Variants in REXO5 observed in about 807,000 individuals in gnomAD.
REXO5 encodes the protein RNA exonuclease 5, also known as exonuclease NEF-sp.
A neutral mutation model predicts 88.5 loss-of-function variants in REXO5; 48 were observed. The ratio of observed to expected loss-of-function variants is 0.54; its 90% CI spans 0.43 to 0.69. The LOEUF is 0.69. Ranked by LOEUF, REXO5 falls within the 30% of genes least tolerant of loss-of-function variation. The probability of loss-of-function intolerance (pLI) is 0.00; values close to 1 mark genes in which losing one functional copy is unlikely to be tolerated. For synonymous variants in REXO5, 311 were observed against 336.5 expected, an observed-to-expected ratio of 0.92 and a Z score of 0.83; for missense variants, 749 against 912.2, an observed-to-expected ratio of 0.82 and a Z score of 2.30.
intron 11 of REXO5, among the ~76,000 whole-genome samples, chr16:20,831,573 A>G (rs1163457681): frequency 6.6e-6 from 1 of 152,148 alleles, no homozygotes; most frequent in East Asian, 1.9e-4. Context: ...ATTTTTCTGT[A>G]AATCTAAACT....
Position 20,839,830 on chromosome 16 carries a change from C to T in REXO5, c.1459C>T (p.Pro487Ser). 3.7e-6 allele frequency: 6 copies of T among 1,613,194 alleles called. No homozygotes were observed. Among genetic ancestry groups the T allele is most frequent in the Non-Finnish European group, 5.1e-6 (6 of 1,179,232 alleles). Residue 487 changes from proline to serine, a missense_variant, in exon 14 of 20, where the codon CCT (proline) becomes TCT (serine). Transcript: ENST00000261377. The part of the protein sequence containing the change: ...IVQFSFKAFS[P>S]VLTEEMNKRM... Reference sequence around the variant, plus strand: ...TCAGTTCTCTTTTAAGGCCTTTTCACCTGTCCTCACTGAGGAGATGAACAA... The same window carrying T: ...TCAGTTCTCTTTTAAGGCCTTTTCATCTGTCCTCACTGAGGAGATGAACAA...
chr16:20,827,983 T>A (rs917146138), intron 10 of REXO5, among the ~76,000 whole-genome samples: 1 of 152,228 alleles, frequency 6.6e-6, no homozygotes, highest in Non-Finnish European at 1.5e-5. Flanking sequence ...ATTTATATGA[T>A]ATAGATTAGA....
intron 7 of REXO5, among the ~76,000 whole-genome samples, chr16:20,825,380 A>G (rs1323702428): frequency 6.6e-6 from 1 of 152,166 alleles, no homozygotes; most frequent in African/African-American, 2.4e-5. Context: ...CCTTAGACAA[A>G]TACCCCTAAC....
intron 7 of REXO5, among the ~76,000 whole-genome samples, chr16:20,825,035 A>G (rs991275247): frequency 2.0e-5 from 3 of 151,990 alleles, no homozygotes; most frequent in African/African-American, 7.2e-5. Context: ...TTTTCCAACT[A>G]GTTACTATGT....
Position 20,834,271 on chromosome 16 carries a change from G to T in REXO5, c.1383+1148G>T, listed in dbSNP as rs559032018. Among the ~76,000 whole-genome samples, 72 of 152,218 alleles carry T rather than the reference G, an allele frequency of 4.7e-4. 1 individual carries two copies. The highest frequency in any genetic ancestry group is 1.7e-3 in the African/African-American group (69 of 41,522). On this transcript the variant is annotated intron_variant, in intron 13 of 19. Transcript: ENST00000261377. ...CAAGGTGTTGTCTGCTTTCTCTATTGCAGAGTTCTTGTTTTTTCTCTTAAT... is the reference window on the plus strand; with the variant it reads ...CAAGGTGTTGTCTGCTTTCTCTATTTCAGAGTTCTTGTTTTTTCTCTTAAT...
At chr16:20,841,412 G>A (rs900879256) in intron 15 of REXO5, among the ~76,000 whole-genome samples, 2 of 152,110 alleles carry the variant, frequency 1.3e-5, no homozygotes, top group Non-Finnish European at 2.9e-5. Flanking sequence ...GAGGCCTCTA[G>A]GGGGAAGAAT....
intron 13 of REXO5, among the ~76,000 whole-genome samples, chr16:20,836,459 G>GT (rs1405891830): frequency 4.0e-5 from 6 of 151,776 alleles, no homozygotes; most frequent in Admixed American, 6.6e-5. Flanking sequence ...CTGCTTTATA[G>GT]TTTTTTTTCC....
rs753836317 is a variant in REXO5 at position 20,848,677 on chromosome 16, G to A, written c.2244-722G>A. Reference sequence around the variant, plus strand: ...GCTTTGCCTCAGAGAGCTCCTCAACGCTGACCCAGTTCCATGAATATTCAT... The same window carrying A: ...GCTTTGCCTCAGAGAGCTCCTCAACACTGACCCAGTTCCATGAATATTCAT... On this transcript the variant is annotated intron_variant, in intron 19 of 19. Transcript: ENST00000261377. Among the ~76,000 whole-genome samples, 83 of 152,302 alleles carry A rather than the reference G, an allele frequency of 5.4e-4. 1 individual carries two copies. Among genetic ancestry groups the A allele is most frequent in the Admixed American group, 9.8e-4 (15 of 15,298 alleles).
chr16:20,837,899 G>A (rs2081459714), intron 13 of REXO5, among the ~76,000 whole-genome samples: 1 of 152,056 alleles, frequency 6.6e-6, no homozygotes, highest in African/African-American at 2.4e-5. Context: ...CCAAGTAGCT[G>A]GGACTACAGG....
intron 2 of REXO5, chr16:20,808,781 T>G (rs2080952650): frequency 6.6e-6 from 1 of 152,282 alleles, no homozygotes; most frequent in Admixed American, 6.5e-5. Flanking sequence ...TTTTCTTTTT[T>G]TTGTAGAGAC....
At chr16:20,813,920 T>A (rs2081042150) in intron 3 of REXO5, among the ~76,000 whole-genome samples, 1 of 152,094 alleles carries the variant, frequency 6.6e-6, no homozygotes, top group South Asian at 2.1e-4. Context: ...ATCTTACTGT[T>A]CTGATATTGT....
Position 20,827,169 on chromosome 16 carries a change from C to T in REXO5, c.933C>T (p.Ser311=), listed in dbSNP as rs777898972. The change falls in exon 9 of 20, where the codon TCC becomes TCT. Residue 311 remains serine, a synonymous_variant. Coordinates refer to ENST00000261377, the MANE Select transcript of REXO5 (RefSeq NM_030941.3). ...LPPDAVLVGH[S]LDLDLRALKM... ...CTGATGCTGTGTTAGTGGGCCACTC[C>T]TTAGATTTGGATCTCAGAGCACTGA... The T allele has an allele frequency of 6.8e-6, 11 of 1,614,052 alleles. No homozygotes were observed. In the Admixed American group the frequency reaches 1.5e-4, roughly 22 times the overall value.
chr16:20,832,865 T>G, intron 12 of REXO5, 138 bp from the exon 13 acceptor site: 1 of 741,906 alleles, frequency 1.3e-6, no homozygotes, highest in Non-Finnish European at 2.0e-6. Flanking sequence ...GGAACTGAAT[T>G]TTTAATTTTA....
chr16:20,839,940 T>C (rs1437112111), intron 14 of REXO5, 81 bp downstream of exon 14: 4 of 837,960 alleles, frequency 4.8e-6, no homozygotes, highest in Non-Finnish European at 5.6e-6. Flanking sequence ...ATACATGCTT[T>C]ATTTAATTTG....
intron 13 of REXO5, among the ~76,000 whole-genome samples, chr16:20,839,033 G>A (rs914423138): frequency 4.3e-4 from 66 of 152,154 alleles, no homozygotes; most frequent in African/African-American, 1.5e-3. Flanking sequence ...GTATATTGTT[G>A]TTAACTCATT....
chr16:20,807,602 A>C (rs1180095295), intron 2 of REXO5, among the ~76,000 whole-genome samples: 4 of 145,528 alleles, frequency 2.7e-5, no homozygotes, highest in Non-Finnish European at 4.5e-5. Context: ...AAAAAAAAAA[A>C]AAAAAACTGG....
intron 4 of REXO5, among the ~76,000 whole-genome samples, chr16:20,815,521 A>G (rs1187789565): frequency 6.9e-6 from 1 of 144,004 alleles, no homozygotes; most frequent in African/African-American, 2.5e-5. Flanking sequence ...GTGAGCCCTA[A>G]TTTAACCTCC....
chr16:20,833,211 T>TC, intron 13 of REXO5, 88 bp downstream of exon 13: 1 of 1,379,510 alleles, frequency 7.2e-7, no homozygotes, highest in South Asian at 1.4e-5. Flanking sequence ...AAGCTTTTTT[T>TC]CATCAGCAAC....
At chr16:20,827,035 C>T in intron 8 of REXO5, 23 bp from the exon 9 acceptor site, 1 of 1,612,496 alleles carries the variant, frequency 6.2e-7, no homozygotes, top group African/African-American at 1.3e-5. Context: ...CTAGCCTGTC[C>T]ATTTCTCTTT....
Sources: gnomAD v4.1 joint callset for allele counts (sites outside exome capture counted in the v4.1 genomes callset) on GRCh38, gnomAD v4.1.1 for gene constraint, MANE v1.5 for transcripts, NCBI Gene and HGNC (gene_info 2026-07-23, HGNC 2026-07-21) for gene names.